Variants in AMPD3 observed in about 807,000 individuals in gnomAD.
The protein encoded by AMPD3 is AMP deaminase 3.
A neutral mutation model predicts 82.3 loss-of-function variants in AMPD3; 57 were observed. The observed-to-expected ratio is 0.69, with a 90% CI of 0.56 to 0.86. AMPD3 has a LOEUF of 0.86. AMPD3 is among the 40% of genes least tolerant of loss of function. The probability of loss-of-function intolerance (pLI) is 0.00; values close to 1 mark genes in which losing one functional copy is unlikely to be tolerated. For synonymous variants in AMPD3, 381 were observed against 394.7 expected (o/e 0.97, Z 0.41); for missense variants, 870 against 1,003.8 (o/e 0.87, Z 1.80).
chr11:10,478,823 C>G (rs1419453248), intron 3 of AMPD3, 93 bp downstream of exon 3: 1 of 1,352,776 alleles, frequency 7.4e-7, no homozygotes, highest in Non-Finnish European at 1.0e-6. Context: ...GGAGCCTGGC[C>G]CTGTCCGTGG....
At chr11:10,500,331 A>C in intron 11 of AMPD3, 82 bp downstream of exon 11, 1 of 1,538,636 alleles carries the variant, frequency 6.5e-7, no homozygotes, top group South Asian at 1.1e-5. Context: ...ACACACATGC[A>C]TGTGATCCTT....
upstream of AMPD3, chr11:10,450,941 C>T (rs1847944601): frequency 1.5e-6 from 2 of 1,339,902 alleles, no homozygotes. Flanking sequence ...CGGCTGGCCT[C>T]AGTGCCCAGC....
chr11:10,458,059 T>C (rs1848149835), intron 1 of AMPD3, among the ~76,000 whole-genome samples: 2 of 151,554 alleles, frequency 1.3e-5, no homozygotes, highest in South Asian at 4.2e-4. Context: ...ATGAAGGAGG[T>C]AGGAAGGTGC....
chr11:10,504,589 G>T lies in AMPD3; in HGVS notation c.2057G>T (p.Trp686Leu). The T allele has an allele frequency of 6.2e-7, 1 of 1,614,196 alleles. No homozygotes were observed. Among genetic ancestry groups the T allele is most frequent in the Non-Finnish European group, 8.5e-7 (1 of 1,180,032 alleles). ...MEEYAIAAQVWKLSTCDLCEI... is the reference protein window; with the variant it reads ...MEEYAIAAQVLKLSTCDLCEI... Reference sequence around the variant, plus strand: ...GAATATGCCATTGCAGCTCAAGTGTGGAAGCTGAGCACCTGCGACCTGTGT... The same window carrying T: ...GAATATGCCATTGCAGCTCAAGTGTTGAAGCTGAGCACCTGCGACCTGTGT... The change falls in exon 14 of 15, where the codon TGG becomes TTG. Residue 686 changes from tryptophan (W) to leucine (L), a missense_variant. By Grantham distance (61) the Trp-to-Leu change is moderately conservative. Coordinates refer to ENST00000396553, the MANE Select transcript of AMPD3 (RefSeq NM_001025389.2).
At chr11:10,466,119 G>A (rs1024624751) in intron 2 of AMPD3, among the ~76,000 whole-genome samples, 10 of 152,102 alleles carry the variant, frequency 6.6e-5, no homozygotes, top group Admixed American at 1.3e-4. Context: ...AAGATTAGCC[G>A]GGCGTGGTGG....
chr11:10,454,311 T>C (rs929431225), upstream of AMPD3, among the ~76,000 whole-genome samples: 3 of 152,190 alleles, frequency 2.0e-5, no homozygotes, highest in Non-Finnish European at 4.4e-5. Flanking sequence ...CTGAACCCGA[T>C]GCAATGGGTC....
chr11:10,484,435 C>T, intron 4 of AMPD3: 1 of 985,352 alleles, frequency 1.0e-6, no homozygotes, highest in Non-Finnish European at 1.2e-6. Flanking sequence ...CACCGCTGCT[C>T]TTTTTAATAT....
rs148694639 is a variant in AMPD3, at chr11:10,502,142, T to G, written c.1842+552T>G. On this transcript the variant is annotated intron_variant, in intron 12 of 14. Transcript: ENST00000396553. Reference sequence around the variant, plus strand: ...GTCTTCTCCGTATTTTGGATCACTTTCCATTGGCACGATGTTTGATCAAAA... The same window carrying G: ...GTCTTCTCCGTATTTTGGATCACTTGCCATTGGCACGATGTTTGATCAAAA... The G allele has an allele frequency of 3.3e-3, 3,284 of 985,424 alleles. 7 individuals carry two copies. Among genetic ancestry groups the G allele is most frequent in the Non-Finnish European group, 3.7e-3 (3,033 of 829,934 alleles). 61.0% of individuals were successfully genotyped at this position (985,424 alleles called of 1,614,324 possible).
chr11:10,491,370 G>A (rs1849235810), intron 6 of AMPD3, among the ~76,000 whole-genome samples: 1 of 152,198 alleles, frequency 6.6e-6, no homozygotes, highest in Admixed American at 6.5e-5. Context: ...GCAGACTGGG[G>A]ATGAGGGGTT....
At position 10,460,891 on chromosome 11, in the gene AMPD3, T is replaced by A. The variant is rs913876805; in HGVS notation, c.-5-624T>A. The A allele has an allele frequency of 1.7e-5, 17 of 985,234 alleles. No homozygotes were observed. The African/African-American group carries it at 3.0e-4, about 17-fold the overall frequency. 61.0% of individuals were successfully genotyped at this position (985,234 alleles called of 1,614,324 possible). A position where few individuals can be genotyped will look rare whatever the true frequency, so the allele number is the denominator to read the frequency against. ...AGAAAGCTTCTTTGAGGGAGTGAGT[T>A]TTCAGCTGGGTAAAGAGTGTTCTAA... On this transcript the variant is annotated intron_variant, in intron 1 of 14. Transcript: ENST00000396553.
Position 10,504,564 on chromosome 11 carries a change from G to A in AMPD3, c.2032G>A (p.Glu678Lys). 6.2e-7 allele frequency: 1 copy of A among 1,614,188 alleles called. No individual in the cohort carries two copies. Residue 678 changes from glutamate (E) to lysine (K), a missense_variant, in exon 14 of 15, where the codon GAA (glutamate) becomes AAA (lysine). By Grantham distance (56) the Glu-to-Lys change is moderately conservative. Coordinates refer to ENST00000396553, the MANE Select transcript of AMPD3 (RefSeq NM_001025389.2). ...GAGGATCTAGGAAGCACTTATGGAA[G>A]AATATGCCATTGCAGCTCAAGTGTG... ...FHYTKEALMEEYAIAAQVWKL... is the reference protein window; with the variant it reads ...FHYTKEALMEKYAIAAQVWKL...
chr11:10,501,284 G>A (rs1262213812), intron 11 of AMPD3, 186 bp from the exon 12 acceptor site: 1 of 985,216 alleles, frequency 1.0e-6, no homozygotes, highest in Admixed American at 6.1e-5. Context: ...ATGCTTCTTG[G>A]TTCTAAGGGG....
chr11:10,495,444 G>A, intron 8 of AMPD3, 126 bp from the exon 9 acceptor site: 1 of 1,569,170 alleles, frequency 6.4e-7, no homozygotes, highest in Middle Eastern at 2.3e-4. Flanking sequence ...TGGGGATTTA[G>A]ATGAGTGCTT....
At chr11:10,493,837 A>G in intron 7 of AMPD3, 1 of 504,536 alleles carries the variant, frequency 2.0e-6, no homozygotes, top group Non-Finnish European at 3.6e-6. Flanking sequence ...TTCCTTGCCT[A>G]TAAAATGGTG....
At position 10,488,188 on chromosome 11, in the gene AMPD3, G is replaced by A. The variant is rs577869163; in HGVS notation, c.939+824G>A. On this transcript the variant is annotated intron_variant, in intron 6 of 14. Transcript: ENST00000396553. ...CTCCGCCTGCAGGGGCCGCAACTGC[G>A]GTAGGAGCGAAGGTTAAATGATCAT... The A allele has an allele frequency of 3.7e-5, 36 of 985,330 alleles. No homozygotes were observed. The South Asian group carries it at 3.8e-4, about 10-fold the overall frequency. 61.0% of individuals were successfully genotyped at this position (985,330 alleles called of 1,614,324 possible). A position where few individuals can be genotyped will look rare whatever the true frequency, so the allele number is the denominator to read the frequency against.
intron 13 of AMPD3, chr11:10,504,137 TC>T (rs1849651910): frequency 3.3e-5 from 28 of 837,498 alleles, no homozygotes; most frequent in South Asian, 5.4e-5. Context: ...TATCTATCTA[TC>T]TATCTATCTA....
chr11:10,493,303 T>C, intron 6 of AMPD3, 46 bp from the exon 7 acceptor site: 1 of 1,609,312 alleles, frequency 6.2e-7, no homozygotes, highest in Non-Finnish European at 8.5e-7. Context: ...CTCTTGTTGC[T>C]AGGGGAGGTG....
At chr11:10,464,230 T>C (rs555544480) in intron 2 of AMPD3, among the ~76,000 whole-genome samples, 32 of 152,350 alleles carry the variant, frequency 2.1e-4, no homozygotes, top group African/African-American at 6.7e-4. Flanking sequence ...GCTCCTGCCA[T>C]TGAATACTTA....
intron 6 of AMPD3, among the ~76,000 whole-genome samples, chr11:10,487,966 TAAAGC>T (rs1348424759): frequency 6.6e-6 from 1 of 151,736 alleles, no homozygotes; most frequent in South Asian, 2.1e-4. Context: ...TCCTGGAACT[TAAAGC>T]AAAATAAATA....
Sources: allele counts gnomAD v4.1 joint callset (sites outside exome capture counted in the v4.1 genomes callset), GRCh38; gene constraint gnomAD v4.1.1; transcripts MANE v1.5; gene names NCBI Gene and HGNC (gene_info 2026-07-23, HGNC 2026-07-21).